Variants in ARHGAP36 observed in about 807,000 individuals in gnomAD.
ARHGAP36 encodes Rho GTPase activating protein 36.
Under a neutral mutation model 32.9 loss-of-function variants are expected in ARHGAP36, and 7 were observed. The observed-to-expected ratio is 0.21, with a 90% CI of 0.12 to 0.40. The LOEUF (loss-of-function observed/expected upper bound fraction) is 0.40. ARHGAP36 is among the 10% of genes least tolerant of loss of function. The pLI is 1.00. For synonymous variants in ARHGAP36, 165 were observed against 168.3 expected, an observed-to-expected ratio of 0.98 and a Z score of 0.15; for missense variants, 383 against 442.2, an observed-to-expected ratio of 0.87 and a Z score of 1.20.
At chrX:131,064,093 AG>A (rs2079684437) in intron 1 of ARHGAP36, among the ~76,000 whole-genome samples, 1 of 111,716 alleles carries the variant, frequency 9.0e-6, no homozygotes, top group African/African-American at 3.3e-5. Flanking sequence ...CAGGAGTCAT[AG>A]GGCAATCTTA....
At chrX:131,082,815 C>T (rs1386863849) in intron 2 of ARHGAP36, among the ~76,000 whole-genome samples, 1 of 113,252 alleles carries the variant, frequency 8.8e-6, no homozygotes, top group African/African-American at 3.2e-5. Context: ...GAGAGCCCCT[C>T]CCTCCCCTCT....
intron 1 of ARHGAP36, chrX:131,073,138 A>T (rs1003359994): frequency 4.3e-4 from 49 of 112,658 alleles, no homozygotes; most frequent in African/African-American, 1.5e-3. Flanking sequence ...AGTGTGGAAC[A>T]AGTTGCCCAG....
chrX:131,066,539 G>A (rs1024304808), intron 1 of ARHGAP36, among the ~76,000 whole-genome samples: 4 of 112,230 alleles, frequency 3.6e-5, no homozygotes, highest in Non-Finnish European at 7.5e-5. Flanking sequence ...GAAAGTATCC[G>A]CTGTCTGGGA....
Position 131,084,950 on chromosome X carries a change from C to G in ARHGAP36, c.841C>G (p.Leu281Val). 3.3e-6 allele frequency: 4 copies of G among 1,211,931 alleles called. No individual in the cohort carries two copies. The highest frequency in any genetic ancestry group is 4.5e-6 in the Non-Finnish European group (4 of 895,549). The change falls in exon 7 of 12, where the codon CTG becomes GTG. Residue 281 changes from leucine to valine, a missense_variant. This residue lies in a region of ARHGAP36 where 227 missense variants were observed against 311.3 expected (regional missense o/e 0.73). Coordinates refer to ENST00000276211, the MANE Select transcript of ARHGAP36 (RefSeq NM_144967.4). ...ATTTGATCAAGGTCTGGATGTAGTG[C>G]TGGATGACAATCAGAATGTGCATGA... ...EEFDQGLDVV[L>V]DDNQNVHDVA...
In ARHGAP36 at chrX:131,088,650, G is replaced by A. The variant is rs1285422410; in HGVS notation, c.1509G>A (p.Val503=). ...CAGGTTCCTCTGAGGAGCCAGCTGT[G>A]CCTTCCGGCACTGCCCGTTCCCATG... is the stretch of plus-strand genomic sequence containing the variant. ...SDEGSSEEPA[V]PSGTARSHDD... The change falls in exon 12 of 12, where the codon GTG becomes GTA. Residue 503 remains valine, a synonymous_variant. Transcript: ENST00000276211. The A allele has an allele frequency of 8.3e-7, 1 of 1,210,447 alleles. No individual in the cohort carries two copies. Among genetic ancestry groups the A allele is most frequent in the Non-Finnish European group, 1.1e-6 (1 of 895,159 alleles).
At chrX:131,087,512 G>A (rs2079841680) in intron 11 of ARHGAP36, among the ~76,000 whole-genome samples, 1 of 111,676 alleles carries the variant, frequency 9.0e-6, no homozygotes, top group South Asian at 3.7e-4. Context: ...GAAGATCCCA[G>A]TCTTGAAGAG....
intron 1 of ARHGAP36, among the ~76,000 whole-genome samples, chrX:131,066,075 A>G (rs368340436): frequency 9.0e-6 from 1 of 111,676 alleles, no homozygotes; most frequent in Non-Finnish European, 1.9e-5. Context: ...TATTGCTTTA[A>G]TTTGGGTTTC....
chrX:131,070,432 GTC>G (rs1353772778), intron 1 of ARHGAP36, among the ~76,000 whole-genome samples: 1 of 111,694 alleles, frequency 9.0e-6, no homozygotes, highest in African/African-American at 3.3e-5. Flanking sequence ...GTGATAGAAC[GTC>G]TATATTCATA....
At chrX:131,079,549 TTTTTTGTTTTTTG>T (rs1328652184) in intron 1 of ARHGAP36, among the ~76,000 whole-genome samples, 4 of 63,548 alleles carry the variant, frequency 6.3e-5, no homozygotes, top group African/African-American at 9.9e-5. Context: ...TTGTTTTTTG[TTTTTTGTTTTTTG>T]TTTTTTTTTT....
chrX:131,078,226 G>A (rs1196048278), intron 1 of ARHGAP36, among the ~76,000 whole-genome samples: 1 of 109,154 alleles, frequency 9.2e-6, no homozygotes, highest in Admixed American at 9.7e-5. Context: ...CCACTGAAAT[G>A]GATACTGTGT....
At chrX:131,074,156 C>T (rs1282286726) in intron 1 of ARHGAP36, among the ~76,000 whole-genome samples, 1 of 111,589 alleles carries the variant, frequency 9.0e-6, no homozygotes, top group Non-Finnish European at 1.9e-5. Flanking sequence ...GATATGGCCT[C>T]TGTTCAGATG....
intron 1 of ARHGAP36, among the ~76,000 whole-genome samples, chrX:131,058,867 C>T (rs2079654827): frequency 8.8e-6 from 1 of 113,161 alleles, no homozygotes; most frequent in Admixed American, 9.2e-5. Flanking sequence ...GAAGTTCGTC[C>T]CCTTGTCTCA....
At chrX:131,061,051 G>A (rs1486731718) in intron 1 of ARHGAP36, among the ~76,000 whole-genome samples, 2 of 111,378 alleles carry the variant, frequency 1.8e-5, no homozygotes, top group Non-Finnish European at 3.8e-5. Flanking sequence ...TCAGCTGACT[G>A]GACAGAACTG....
rs72142237 is a variant in ARHGAP36, at chrX:131,077,764, C to CATATAT, written c.-142-3723_-142-3718dup. 4.5e-3 allele frequency among the ~76,000 whole-genome samples: 390 copies of CATATAT among 86,834 alleles called. 16 individuals carry two copies. Among genetic ancestry groups the CATATAT allele is most frequent in the African/African-American group, 0.015 (283 of 19,446 alleles). 75.4% of individuals were successfully genotyped at this position (86,834 alleles called of 115,157 possible). ...GCCCCTTTACTTATCCAAATAAAAT[C>CATATAT]ATATATATATATATATATATATATA... On this transcript the variant is annotated intron_variant, in intron 1 of 11. Transcript: ENST00000276211.
chrX:131,068,229 A>G (rs1456347239), intron 1 of ARHGAP36, among the ~76,000 whole-genome samples: 1 of 110,153 alleles, frequency 9.1e-6, no homozygotes, highest in Non-Finnish European at 1.9e-5. Flanking sequence ...GATCTACCGC[A>G]CCCGCGCGCG....
chrX:131,085,534 C>G, intron 7 of ARHGAP36, 54 bp from the exon 8 acceptor site: 4 of 1,160,554 alleles, frequency 3.4e-6, no homozygotes, highest in Non-Finnish European at 4.6e-6. Context: ...CCCTTGGTAT[C>G]AGTCTGCAGC....
chrX:131,081,708 T>C lies in ARHGAP36; in HGVS notation c.43T>C (p.Cys15Arg). The C allele has an allele frequency of 8.3e-7, 1 of 1,211,529 alleles. No homozygotes were observed. The highest frequency in any genetic ancestry group is 1.1e-6 in the Non-Finnish European group (1 of 895,455). The change falls in exon 2 of 12, where the codon TGC becomes CGC. Residue 15 changes from cysteine (C) to arginine (R), a missense_variant. Transcript: ENST00000276211. ...TTTTCTGAAGGCAGCAAGGGCACTG[T>C]GCCCCAGAATCATGCCCCCTTTGCT... The part of the protein sequence containing the change: ...IPFLKAARAL[C>R]PRIMPPLLLL...
intron 1 of ARHGAP36, among the ~76,000 whole-genome samples, chrX:131,063,542 G>C (rs1471379637): frequency 9.0e-6 from 1 of 111,614 alleles, no homozygotes; most frequent in African/African-American, 3.3e-5. Flanking sequence ...TCTAGGGTTA[G>C]TGAAGGTAGC....
intron 1 of ARHGAP36, 48 bp from the exon 2 acceptor site, chrX:131,081,476 C>T (rs1294429785): frequency 1.1e-6 from 1 of 951,994 alleles, no homozygotes; most frequent in Admixed American, 5.5e-5. Flanking sequence ...CCTGGACTAT[C>T]TGTTAAGGGC....
Sources: gnomAD v4.1 joint callset for allele counts (sites outside exome capture counted in the v4.1 genomes callset) on GRCh38, gnomAD v4.1.1 for gene constraint, gnomAD v4.1.1 regional missense constraint, MANE v1.5 for transcripts, NCBI Gene and HGNC (gene_info 2026-07-23, HGNC 2026-07-21) for gene names.